EPB41L3: variants seen among roughly 807,000 people sequenced by gnomAD.
EPB41L3 encodes the protein band 4.1-like protein 3.
In EPB41L3, 57 loss-of-function variants were observed where a neutral mutation model predicts 127.1. That is an observed-to-expected ratio of 0.45 (90% CI 0.36 to 0.56). The LOEUF is 0.56. Among genes scored for constraint, EPB41L3 ranks in the 20% least tolerant of loss-of-function variants. The pLI, the probability that EPB41L3 is intolerant of heterozygous loss-of-function variation, is 0.00. For synonymous variants in EPB41L3, 572 were observed against 549.5 expected (o/e 1.04, Z -0.57); for missense variants, 1,273 against 1,372.2 (o/e 0.93, Z 1.14).
intron 1 of EPB41L3, among the ~76,000 whole-genome samples, chr18:5,500,834 G>T (rs913138285): frequency 6.6e-6 from 1 of 152,084 alleles, no homozygotes; most frequent in African/African-American, 2.4e-5. Flanking sequence ...AAATTCAAAC[G>T]AACAGCAGAA....
chr18:5,483,197 T>G lies in EPB41L3; in HGVS notation c.184-4759A>C, dbSNP rs751068220. On this transcript the variant is annotated intron_variant, in intron 2 of 22. Coordinates refer to ENST00000341928, the MANE Select transcript of EPB41L3 (RefSeq NM_012307.5). ...TGGGGTGTGTGTGTATGTGCGTGCA[T>G]GTGTGTATGTGTAGTTTTTTTTAGC... Among the ~76,000 whole-genome samples the G allele has an allele frequency of 2.1e-3, 315 of 152,244 alleles. 7 individuals are homozygous for G. Among genetic ancestry groups the G allele is most frequent in the Non-Finnish European group, 7.4e-4 (50 of 67,982 alleles).
intron 3 of EPB41L3, among the ~76,000 whole-genome samples, chr18:5,473,558 T>C (rs577859697): frequency 2.6e-5 from 4 of 151,356 alleles, no homozygotes; most frequent in Admixed American, 1.3e-4. Context: ...CCTAATTCGA[T>C]AGTCACTACG....
At chr18:5,560,688 T>C (rs2094112648) in intron 3 of EPB41L3, among the ~76,000 whole-genome samples, 1 of 152,036 alleles carries the variant, frequency 6.6e-6, no homozygotes, top group Admixed American at 6.6e-5. Flanking sequence ...ATTTGCACAT[T>C]TATTGAGAGG....
At chr18:5,601,272 G>A (rs2094588026) in intron 3 of EPB41L3, among the ~76,000 whole-genome samples, 1 of 152,130 alleles carries the variant, frequency 6.6e-6, no homozygotes, top group Non-Finnish European at 1.5e-5. Flanking sequence ...TAAGGCTTCA[G>A]AGATAACACC....
At chr18:5,475,713 C>T (rs2087050355) in intron 3 of EPB41L3, among the ~76,000 whole-genome samples, 1 of 152,216 alleles carries the variant, frequency 6.6e-6, no homozygotes, top group South Asian at 2.1e-4. Context: ...TTTACCTCCA[C>T]TCCTGCTAAA....
At chr18:5,602,997 A>C (rs2094607023) in intron 3 of EPB41L3, among the ~76,000 whole-genome samples, 1 of 152,118 alleles carries the variant, frequency 6.6e-6, no homozygotes, top group African/African-American at 2.4e-5. Context: ...CCTGAGAACA[A>C]TTTCTTTCTA....
intron 16 of EPB41L3, among the ~76,000 whole-genome samples, chr18:5,403,864 C>T (rs578144470): frequency 1.3e-5 from 2 of 152,076 alleles, no homozygotes; most frequent in Non-Finnish European, 2.9e-5. Context: ...AAATAAAAAT[C>T]GTTTGGTTAT....
intron 1 of EPB41L3, among the ~76,000 whole-genome samples, chr18:5,498,450 T>C (rs1161671195): frequency 1.3e-5 from 2 of 151,798 alleles, no homozygotes; most frequent in African/African-American, 4.8e-5. Context: ...AAATATCACC[T>C]GGGTGTGGTC....
intron 3 of EPB41L3, among the ~76,000 whole-genome samples, chr18:5,583,612 C>T (rs532252846): frequency 5.3e-5 from 8 of 152,304 alleles, no homozygotes; most frequent in African/African-American, 1.4e-4. Flanking sequence ...TCTGCAAATA[C>T]GTCAACATGT....
intron 3 of EPB41L3, among the ~76,000 whole-genome samples, chr18:5,563,154 C>T (rs7235551): frequency 0.23 from 34,287 of 152,096 alleles, 4,381 homozygotes; most frequent in African/African-American, 0.34. Context: ...CCACAGGATC[C>T]TTGAAATAGT....
chr18:5,521,014 A>G (rs912762040), intron 1 of EPB41L3, among the ~76,000 whole-genome samples: 3 of 152,222 alleles, frequency 2.0e-5, no homozygotes, highest in African/African-American at 4.8e-5. Context: ...AATATTATGA[A>G]TAATTATCAA....
chr18:5,600,737 A>C (rs2094581913), intron 3 of EPB41L3, among the ~76,000 whole-genome samples: 1 of 152,194 alleles, frequency 6.6e-6, no homozygotes, highest in Admixed American at 6.5e-5. Context: ...TCTAATCATT[A>C]AAACCATTAA....
intron 1 of EPB41L3, among the ~76,000 whole-genome samples, chr18:5,533,771 C>A (rs968590599): frequency 1.3e-5 from 2 of 152,206 alleles, no homozygotes; most frequent in Admixed American, 1.3e-4. Context: ...TTATCATTAT[C>A]CCTATTTAAT....
chr18:5,462,367 G>GAATC (rs139385184), intron 3 of EPB41L3, among the ~76,000 whole-genome samples: 1 of 152,172 alleles, frequency 6.6e-6, no homozygotes, highest in Non-Finnish European at 1.5e-5. Context: ...GAAGGCACAA[G>GAATC]AATCAATCAA....
At chr18:5,541,349 G>GT (rs1475447428) in intron 1 of EPB41L3, among the ~76,000 whole-genome samples, 1 of 150,926 alleles carries the variant, frequency 6.6e-6, no homozygotes, top group Non-Finnish European at 1.5e-5. Context: ...TACTCTTGGA[G>GT]TTCTATTTTA....
At chr18:5,578,566 G>A (rs183170967) in intron 3 of EPB41L3, among the ~76,000 whole-genome samples, 200 of 152,268 alleles carry the variant, frequency 1.3e-3, no homozygotes, top group Non-Finnish European at 2.5e-3. Context: ...ATAAGAAGAT[G>A]ACAATCTTAC....
At chr18:5,453,206 G>A (rs1013285764) in intron 3 of EPB41L3, among the ~76,000 whole-genome samples, 2 of 152,192 alleles carry the variant, frequency 1.3e-5, no homozygotes, top group Non-Finnish European at 2.9e-5. Context: ...CTATGAATCA[G>A]CCTGAGTGAA....
intron 3 of EPB41L3, chr18:5,610,243 AAG>A (rs1599301806): frequency 1.0e-6 from 1 of 985,380 alleles, no homozygotes; most frequent in Non-Finnish European, 1.2e-6. Context: ...GTGAGCAAAA[AAG>A]AGAGAGAAAA....
In EPB41L3 at chr18:5,421,830, G is replaced by A. The variant is rs182736275; in HGVS notation, c.1339+1548C>T. 3.9e-5 allele frequency among the ~76,000 whole-genome samples: 6 copies of A among 152,196 alleles called. 1 individual carries two copies. The South Asian group carries it at 6.2e-4, about 16-fold the overall frequency. On this transcript the variant is annotated intron_variant, in intron 11 of 22. Transcript: ENST00000341928. ...GGAGACTCAGAAGGCAGACAGTGGC[G>A]GGGGTGGTGGTGACGGATAAAAAAC...
Sources: gnomAD v4.1 joint callset for allele counts (sites outside exome capture counted in the v4.1 genomes callset) on GRCh38, gnomAD v4.1.1 for gene constraint, MANE v1.5 for transcripts, NCBI Gene and HGNC (gene_info 2026-07-23, HGNC 2026-07-21) for gene names.